Variants in CLMN observed in about 807,000 individuals in gnomAD.
CLMN encodes the protein calmin, also known as calmin (calponin-like, transmembrane).
CLMN carries 57 observed loss-of-function variants against 92.7 expected under a neutral mutation model. The ratio of observed to expected loss-of-function variants is 0.61; its 90% confidence interval spans 0.50 to 0.77. CLMN has a LOEUF of 0.77. CLMN is among the 30% of genes least tolerant of loss of function. The pLI is 0.00. For missense variants in CLMN, 1,158 were observed against 1,237.5 expected, an observed-to-expected ratio of 0.94 and a Z score of 0.96; for synonymous variants, 466 against 470.6, an observed-to-expected ratio of 0.99 and a Z score of 0.13.
At chr14:95,228,428 C>T (rs1897779048) in intron 2 of CLMN, among the ~76,000 whole-genome samples, 2 of 152,218 alleles carry the variant, frequency 1.3e-5, no homozygotes, top group East Asian at 3.8e-4. Context: ...GTTCAGGATG[C>T]TCCTGGGTGA....
At position 95,237,829 on chromosome 14, in the gene CLMN, G is replaced by T. The variant is rs560494002; in HGVS notation, c.83-7696C>A. 2.6e-5 allele frequency among the ~76,000 whole-genome samples: 4 copies of T among 152,210 alleles called. No individual in the cohort carries two copies. The East Asian group carries it at 7.7e-4, about 29-fold the overall frequency. ...ATGCACTTGCTCATTCTTGGTCTGA[G>T]CTGACCTCTGCTCTCTGGGAAACCC... On this transcript the variant is annotated intron_variant, in intron 1 of 12. Transcript: ENST00000298912.
Position 95,284,934 on chromosome 14 carries a change from G to A in CLMN, c.82+34777C>T, listed in dbSNP as rs142720299. ...TGAGATCTGGGAGGGGCCATGGGTG[G>A]AATGATATGGTTTGGCTGTGTCCCC... On this transcript the variant is annotated intron_variant, in intron 1 of 12. Coordinates refer to ENST00000298912, the MANE Select transcript of CLMN (RefSeq NM_024734.4). 4.3e-3 allele frequency among the ~76,000 whole-genome samples: 653 copies of A among 152,208 alleles called. 8 individuals carry two copies. Among genetic ancestry groups the A allele is most frequent in the East Asian group, 0.036 (189 of 5,184 alleles).
At chr14:95,238,407 G>A (rs1047327397) in intron 1 of CLMN, among the ~76,000 whole-genome samples, 4 of 151,932 alleles carry the variant, frequency 2.6e-5, no homozygotes, top group African/African-American at 9.7e-5. Flanking sequence ...CGGCTCTGGC[G>A]GTATTAAAGT....
In CLMN at chr14:95,248,963, G is replaced by A. The variant is rs377494587; in HGVS notation, c.83-18830C>T. Reference sequence around the variant, plus strand: ...TCTTCTGTCTTCAACACCAATCGGGGGAAATATTTACAAATGTTATATTTG... The same window carrying A: ...TCTTCTGTCTTCAACACCAATCGGGAGAAATATTTACAAATGTTATATTTG... On this transcript the variant is annotated intron_variant, in intron 1 of 12. Coordinates refer to ENST00000298912, the MANE Select transcript of CLMN (RefSeq NM_024734.4). 3.3e-5 allele frequency among the ~76,000 whole-genome samples: 5 copies of A among 151,924 alleles called. No individual in the cohort carries two copies. The East Asian group carries it at 5.8e-4, about 18-fold the overall frequency.
intron 1 of CLMN, among the ~76,000 whole-genome samples, chr14:95,248,073 G>A (rs926154791): frequency 1.3e-5 from 2 of 150,256 alleles, no homozygotes; most frequent in South Asian, 4.2e-4. Flanking sequence ...ACAATTAAAA[G>A]CAGCTCAACT....
Position 95,220,861 on chromosome 14 carries a change from G to A in CLMN, c.324+830C>T, listed in dbSNP as rs568503116. 2.6e-5 allele frequency among the ~76,000 whole-genome samples: 4 copies of A among 152,314 alleles called. No homozygotes were observed. The South Asian group carries it at 8.3e-4, about 32-fold the overall frequency. On this transcript the variant is annotated intron_variant, in intron 4 of 12. Coordinates refer to ENST00000298912, the MANE Select transcript of CLMN (RefSeq NM_024734.4). ...TGCCCAGAGGTTGCAGGGGCAGGGC[G>A]GTGAGGGCATGTCCTGCCGTCTCTT...
At chr14:95,249,233 T>C (rs1287069066) in intron 1 of CLMN, among the ~76,000 whole-genome samples, 1 of 152,230 alleles carries the variant, frequency 6.6e-6, no homozygotes, top group East Asian at 1.9e-4. Context: ...TTTCTCGCCT[T>C]TCCTGAATGG....
intron 1 of CLMN, among the ~76,000 whole-genome samples, chr14:95,253,352 G>T (rs1320408709): frequency 5.3e-5 from 8 of 152,216 alleles, no homozygotes; most frequent in African/African-American, 9.6e-5. Flanking sequence ...AAGAGCACAG[G>T]GTTCCGCTCC....
intron 12 of CLMN, chr14:95,192,808 A>C (rs533476776): frequency 6.5e-6 from 1 of 153,448 alleles, no homozygotes; most frequent in African/African-American, 2.4e-5. Flanking sequence ...AGCCTAAACC[A>C]TATTTTTTAT....
At position 95,221,782 on chromosome 14, in the gene CLMN, A is replaced by G. The variant is rs1259174593; in HGVS notation, c.241-8T>C. On this transcript the variant is annotated splice_region_variant and splice_polypyrimidine_tract_variant and intron_variant, in intron 3 of 12. Coordinates refer to ENST00000298912, the MANE Select transcript of CLMN (RefSeq NM_024734.4). Reference sequence around the variant, plus strand: ...GGATTTGTATTCGTGCAGCTATAAAACAGAACAGAACAAAACAAGCACATT... The same window carrying G: ...GGATTTGTATTCGTGCAGCTATAAAGCAGAACAGAACAAAACAAGCACATT... The G allele has an allele frequency of 6.2e-7, 1 of 1,613,680 alleles. No homozygotes were observed. The highest frequency in any genetic ancestry group is 2.2e-5 in the East Asian group (1 of 44,890).
intron 1 of CLMN, among the ~76,000 whole-genome samples, chr14:95,236,569 G>A (rs1281190219): frequency 6.6e-6 from 1 of 152,096 alleles, no homozygotes; most frequent in Admixed American, 6.5e-5. Flanking sequence ...TGCCATGCAC[G>A]GGACAGCCCC....
intron 1 of CLMN, among the ~76,000 whole-genome samples, chr14:95,261,727 C>A (rs1313087574): frequency 6.6e-6 from 1 of 152,252 alleles, no homozygotes. Flanking sequence ...CCAAGCCTGG[C>A]CTTCCCAAGA....
At chr14:95,246,757 G>T (rs1898587997) in intron 1 of CLMN, among the ~76,000 whole-genome samples, 2 of 152,200 alleles carry the variant, frequency 1.3e-5, no homozygotes, top group African/African-American at 4.8e-5. Context: ...GTGAGCCACG[G>T]CACCTGGCCA....
chr14:95,318,037 G>T (rs563398745), intron 1 of CLMN, among the ~76,000 whole-genome samples: 16 of 152,162 alleles, frequency 1.1e-4, no homozygotes, highest in African/African-American at 3.6e-4. Flanking sequence ...TTCTCCCACC[G>T]TTCTGGTTGT....
chr14:95,294,162 T>C lies in CLMN; in HGVS notation c.82+25549A>G, dbSNP rs1057011868. 1.3e-5 allele frequency among the ~76,000 whole-genome samples: 2 copies of C among 151,800 alleles called. No homozygotes were observed. Among genetic ancestry groups the C allele is most frequent in the African/African-American group, 4.8e-5 (2 of 41,294 alleles). ...GCCTGCCAAAGAATGGGTGGGGGAGTGGGCTGGATTCACTTATATTTCCAG... is the reference window on the plus strand; with the variant it reads ...GCCTGCCAAAGAATGGGTGGGGGAGCGGGCTGGATTCACTTATATTTCCAG... On this transcript the variant is annotated intron_variant, in intron 1 of 12. Transcript: ENST00000298912. This position sits in a 1 kb window ranked among gnomAD's most constrained non-coding sequence, Gnocchi z 4.2.
chr14:95,184,306 G>T lies in CLMN; in HGVS notation c.*7258C>A, dbSNP rs1314881462. The T allele has an allele frequency of 6.6e-6, 1 of 152,122 alleles. No individual in the cohort carries two copies. The highest frequency in any genetic ancestry group is 1.5e-5 in the Non-Finnish European group (1 of 68,024). 9.4% of individuals were successfully genotyped at this position (152,122 alleles called of 1,614,324 possible). On this transcript the variant is annotated 3_prime_UTR_variant, in exon 13 of 13. Coordinates refer to ENST00000298912, the MANE Select transcript of CLMN (RefSeq NM_024734.4). ...CTAGCCCACAATACCTCCCAGAGAA[G>T]AAGGCAGTGATTAAAATGAAAACAA...
intron 1 of CLMN, among the ~76,000 whole-genome samples, chr14:95,263,028 C>T (rs1478926645): frequency 1.3e-5 from 2 of 152,210 alleles, no homozygotes; most frequent in African/African-American, 4.8e-5. Flanking sequence ...TCAGCCTGTG[C>T]CACCCAAACC....
intron 1 of CLMN, 94 bp downstream of exon 1, chr14:95,319,617 G>A: frequency 9.9e-7 from 1 of 1,014,236 alleles, no homozygotes; most frequent in Non-Finnish European, 1.4e-6. Flanking sequence ...CGGCCGGCGA[G>A]CGGGGGCGGC....
At chr14:95,218,411 C>T (rs1039467803) in intron 4 of CLMN, among the ~76,000 whole-genome samples, 7 of 152,286 alleles carry the variant, frequency 4.6e-5, no homozygotes, top group South Asian at 2.1e-4. Flanking sequence ...TGCTCTGTGA[C>T]GTGTGGTTGC....
Sources: allele counts gnomAD v4.1 joint callset (sites outside exome capture counted in the v4.1 genomes callset), GRCh38; gene constraint gnomAD v4.1.1; non-coding constraint Gnocchi (gnomAD v3.1); transcripts MANE v1.5; gene names NCBI Gene and HGNC (gene_info 2026-07-23, HGNC 2026-07-21).